Variants in SH3BGRL observed in about 807,000 individuals in gnomAD.
SH3BGRL encodes the protein SH3 domain binding glutamate rich protein like.
In SH3BGRL, 7 loss-of-function variants were observed where a neutral mutation model predicts 9.8. That is an observed-to-expected ratio of 0.72 (90% CI 0.41 to 1.35). SH3BGRL has a LOEUF of 1.35. Ranked by LOEUF, SH3BGRL falls within the 40% of genes most tolerant of loss-of-function variation. The pLI is 0.01. For missense variants in SH3BGRL, 73 were observed against 84.4 expected (o/e 0.86, Z 0.53); for synonymous variants, 36 against 29.1 (o/e 1.24, Z -0.76).
intron 3 of SH3BGRL, among the ~76,000 whole-genome samples, chrX:81,294,191 A>G (rs748335028): frequency 3.6e-5 from 4 of 111,726 alleles, no homozygotes; most frequent in African/African-American, 1.3e-4. Flanking sequence ...AGTAATGAGG[A>G]GCCAATTATT....
intron 1 of SH3BGRL, among the ~76,000 whole-genome samples, chrX:81,230,734 G>A (rs1217143944): frequency 1.8e-5 from 2 of 111,349 alleles, no homozygotes; most frequent in Non-Finnish European, 1.9e-5. Context: ...AAGTGGTGGT[G>A]GTATGACTGG....
chrX:81,257,027 T>G (rs2075727279), intron 1 of SH3BGRL, among the ~76,000 whole-genome samples: 2 of 111,431 alleles, frequency 1.8e-5, no homozygotes, highest in African/African-American at 6.5e-5. Context: ...CCTTGAGTAC[T>G]TATTATCATT....
At chrX:81,205,661 A>G (rs5959083) in intron 1 of SH3BGRL, among the ~76,000 whole-genome samples, 1,728 of 109,766 alleles carry the variant, frequency 0.016, 37 homozygotes, top group African/African-American at 0.055. Flanking sequence ...TTTTGGATAT[A>G]TACCCAAAAG....
chrX:81,239,191 G>A (rs1186864723), intron 1 of SH3BGRL, among the ~76,000 whole-genome samples: 1 of 111,629 alleles, frequency 9.0e-6, no homozygotes, highest in Non-Finnish European at 1.9e-5. Flanking sequence ...AAGACACCAG[G>A]GACAAATCCT....
At chrX:81,285,870 AAAAG>A (rs1437238444) in intron 3 of SH3BGRL, among the ~76,000 whole-genome samples, 4 of 111,894 alleles carry the variant, frequency 3.6e-5, no homozygotes, top group Non-Finnish European at 7.5e-5. Context: ...ATAGGACAAA[AAAAG>A]AAACTGAAAG....
intron 1 of SH3BGRL, among the ~76,000 whole-genome samples, chrX:81,262,289 T>G (rs1392022166): frequency 2.7e-5 from 3 of 111,482 alleles, no homozygotes; most frequent in Non-Finnish European, 5.7e-5. Flanking sequence ...CTATAACCAG[T>G]TATTCAAGGT....
intron 1 of SH3BGRL, among the ~76,000 whole-genome samples, chrX:81,225,057 C>T (rs1210300958): frequency 9.0e-6 from 1 of 110,880 alleles, no homozygotes; most frequent in Non-Finnish European, 1.9e-5. Flanking sequence ...AAACTCCGGA[C>T]AAATAGAGAC....
intron 1 of SH3BGRL, among the ~76,000 whole-genome samples, chrX:81,204,856 G>C (rs2075541337): frequency 8.9e-6 from 1 of 112,376 alleles, no homozygotes; most frequent in Non-Finnish European, 1.9e-5. Context: ...TGGCCTAATA[G>C]TGAAGAGTAG....
chrX:81,234,579 T>C (rs1359955057), intron 1 of SH3BGRL, among the ~76,000 whole-genome samples: 1 of 112,256 alleles, frequency 8.9e-6, no homozygotes, highest in African/African-American at 3.2e-5. Context: ...TGTGAAAGTA[T>C]GTGTACTATT....
intron 1 of SH3BGRL, among the ~76,000 whole-genome samples, chrX:81,216,878 A>G (rs2075582810): frequency 9.0e-6 from 1 of 111,366 alleles, no homozygotes; most frequent in South Asian, 3.7e-4. Flanking sequence ...AATCTTGGCT[A>G]TTGTGAATAG....
At chrX:81,275,274 T>G (rs900574161) in intron 1 of SH3BGRL, among the ~76,000 whole-genome samples, 1 of 111,161 alleles carries the variant, frequency 9.0e-6, no homozygotes, top group African/African-American at 3.3e-5. Context: ...GGAATGCAAG[T>G]TCCCTCAAAG....
chrX:81,247,134 T>A (rs1331898968), intron 1 of SH3BGRL, among the ~76,000 whole-genome samples: 2 of 112,145 alleles, frequency 1.8e-5, no homozygotes, highest in Non-Finnish European at 3.8e-5. Context: ...TGTATAGAAA[T>A]GGTACTGATT....
chrX:81,224,725 C>G (rs977363503), intron 1 of SH3BGRL, among the ~76,000 whole-genome samples: 5 of 111,832 alleles, frequency 4.5e-5, no homozygotes, highest in African/African-American at 1.6e-4. Context: ...TTGAGCCTCA[C>G]TTATGATTCC....
chrX:81,233,305 CAT>C (rs1199514970), intron 1 of SH3BGRL, among the ~76,000 whole-genome samples: 1 of 112,052 alleles, frequency 8.9e-6, no homozygotes, highest in African/African-American at 3.2e-5. Context: ...TAGTGCTTTG[CAT>C]ACGTAGAGCT....
intron 1 of SH3BGRL, among the ~76,000 whole-genome samples, chrX:81,269,672 G>A (rs1409812672): frequency 9.0e-6 from 1 of 110,769 alleles, no homozygotes. Flanking sequence ...TTTCAACCTT[G>A]GTGAATCTGA....
chrX:81,260,080 A>G (rs776749592), intron 1 of SH3BGRL, among the ~76,000 whole-genome samples: 17 of 111,782 alleles, frequency 1.5e-4, no homozygotes, highest in Non-Finnish European at 2.8e-4. Flanking sequence ...AAATACTCAA[A>G]ATAACCAACA....
At chrX:81,236,900 GGAGAGAGAGAGAGA>G (rs3051997) in intron 1 of SH3BGRL, among the ~76,000 whole-genome samples, 6 of 97,384 alleles carry the variant, frequency 6.2e-5, no homozygotes, top group Admixed American at 1.1e-4. Context: ...AGAGGCTGAG[GGAGAGAGAGAGAGA>G]GAGAGAGAGA....
At chrX:81,280,441 G>A (rs2075812679) in intron 3 of SH3BGRL, among the ~76,000 whole-genome samples, 1 of 111,697 alleles carries the variant, frequency 9.0e-6, no homozygotes, top group Non-Finnish European at 1.9e-5. Flanking sequence ...TCCTCCACCA[G>A]ACCAGGCACT....
chrX:81,233,167 A>C (rs1025250608), intron 1 of SH3BGRL, among the ~76,000 whole-genome samples: 4 of 112,084 alleles, frequency 3.6e-5, no homozygotes, highest in Non-Finnish European at 7.5e-5. Flanking sequence ...AAATAATAAC[A>C]AGAAGCTGTC....
Sources: gnomAD v4.1 joint callset for allele counts (sites outside exome capture counted in the v4.1 genomes callset) on GRCh38, gnomAD v4.1.1 for gene constraint, MANE v1.5 for transcripts, NCBI Gene and HGNC (gene_info 2026-07-23, HGNC 2026-07-21) for gene names.